ATAD3A: variants seen among roughly 807,000 people sequenced by gnomAD.
ATAD3A encodes the protein ATPase family AAA domain containing 3A, also known as ATPase family AAA domain-containing protein 3A.
Under a neutral mutation model 73.8 loss-of-function variants are expected in ATAD3A, and 46 were observed. That is an observed-to-expected ratio of 0.62 (90% CI 0.49 to 0.80). The LOEUF (loss-of-function observed/expected upper bound fraction) is 0.80, where lower values mean the gene tolerates loss of function less well. ATAD3A is among the 30% of genes least tolerant of loss of function. ATAD3A has a pLI of 0.00. For synonymous variants in ATAD3A, 319 were observed against 350.0 expected, an observed-to-expected ratio of 0.91 and a Z score of 0.99; for missense variants, 705 against 838.0, an observed-to-expected ratio of 0.84 and a Z score of 1.96.
rs1179095771 is a variant in ATAD3A, at chr1:1,523,331, CT to C, written c.907-179del. ...GCCAATAAGGAACCGGAAAATGCCC[CT>C]AATCCCAGCAATAGCCGCCTGGTCT... On this transcript the variant is annotated intron_variant, in intron 8 of 15. Coordinates refer to ENST00000378756, the MANE Select transcript of ATAD3A (RefSeq NM_001170535.3). This position sits in a 1 kb window ranked among gnomAD's most constrained non-coding sequence, Gnocchi z 5.1. Among the ~76,000 whole-genome samples, 4 of 152,168 alleles carry C rather than the reference CT, an allele frequency of 2.6e-5. No individual in the cohort carries two copies. Among genetic ancestry groups the C allele is most frequent in the African/African-American group, 9.7e-5 (4 of 41,442 alleles).
At position 1,515,824 on chromosome 1, in the gene ATAD3A, G is replaced by A. The variant is rs115216992; in HGVS notation, c.206-188G>A. Among the ~76,000 whole-genome samples, 960 of 152,336 alleles carry A rather than the reference G, an allele frequency of 6.3e-3. 17 individuals are homozygous for A. The highest frequency in any genetic ancestry group is 0.022 in the African/African-American group (919 of 41,570). On this transcript the variant is annotated intron_variant, in intron 1 of 15. Coordinates refer to ENST00000378756, the MANE Select transcript of ATAD3A (RefSeq NM_001170535.3). ...GGGATAAAACCTCACAAATGCATCA[G>A]GCCGTGTGCTGGGGATGGTGCATCG...
chr1:1,525,344 G>A (rs1363596936), intron 12 of ATAD3A, 53 bp downstream of exon 12: 28 of 1,606,836 alleles, frequency 1.7e-5, no homozygotes, highest in South Asian at 5.5e-5. Flanking sequence ...GGGCACAGCC[G>A]TCTGCCTGGG....
In ATAD3A at chr1:1,520,315, T is replaced by A; in HGVS notation, c.680+9T>A. ...GTCTTGGAGTCCATCAGGTGAGCACTGCCGAGGCCCGGGCCGGCCACAGAT... is the reference window on the plus strand; with the variant it reads ...GTCTTGGAGTCCATCAGGTGAGCACAGCCGAGGCCCGGGCCGGCCACAGAT... On this transcript the variant is annotated intron_variant, in intron 6 of 15. Transcript: ENST00000378756. The surrounding 1 kb of genome is among the most constrained non-coding windows in gnomAD (Gnocchi z 4.0). 6.2e-7 allele frequency: 1 copy of A among 1,608,814 alleles called. No homozygotes were observed. Among genetic ancestry groups the A allele is most frequent in the Non-Finnish European group, 8.5e-7 (1 of 1,176,252 alleles).
intron 14 of ATAD3A, 109 bp from the exon 15 acceptor site, chr1:1,529,113 CA>C: frequency 2.7e-6 from 4 of 1,502,126 alleles, no homozygotes; most frequent in Non-Finnish European, 3.6e-6. Context: ...AGAGCCCCTC[CA>C]AAGAGGATGT....
In ATAD3A at chr1:1,518,938, G is replaced by A; in HGVS notation, c.462G>A (p.Glu154=). 1 of 1,614,170 alleles carries A rather than the reference G, an allele frequency of 6.2e-7. No individual in the cohort carries two copies. Among genetic ancestry groups the A allele is most frequent in the Non-Finnish European group, 8.5e-7 (1 of 1,179,990 alleles). The change falls in exon 5 of 16, where the codon GAG becomes GAA. Residue 154 remains glutamate, a synonymous_variant. Coordinates refer to ENST00000378756, the MANE Select transcript of ATAD3A (RefSeq NM_001170535.3). ...QLKQQQLLNE[E]NLRKQEESVQ... ...CTTCTCAGCAACTTCTCAATGAGGA[G>A]AATTTACGGAAGCAGGAGGAGTCCG...
chr1:1,526,766 C>T (rs1034899664), intron 13 of ATAD3A, among the ~76,000 whole-genome samples: 4 of 152,256 alleles, frequency 2.6e-5, no homozygotes, highest in African/African-American at 9.6e-5. Context: ...GTCCTCACGG[C>T]CCTGTGCGCC....
chr1:1,531,501 C>T (rs892067989), intron 15 of ATAD3A, among the ~76,000 whole-genome samples: 4 of 151,380 alleles, frequency 2.6e-5, no homozygotes, highest in Non-Finnish European at 4.4e-5. Flanking sequence ...TGGACGGGCG[C>T]GGTGGCTCAT....
Position 1,518,984 on chromosome 1 carries a change from C to T in ATAD3A, c.508C>T (p.Arg170Trp), listed in dbSNP as rs1167820219. 3.1e-6 allele frequency: 5 copies of T among 1,613,998 alleles called. No homozygotes were observed. Among genetic ancestry groups the T allele is most frequent in the East Asian group, 2.2e-5 (1 of 44,890 alleles). The stretch of plus-strand genomic sequence containing the variant: ...GTCCGTGCAGAAGCAGGAAGCCATG[C>T]GGCGAGGTAGGCTGTCTGCTCTCCT... ...EESVQKQEAMRRATVEREMEL... is the reference protein window; with the variant it reads ...EESVQKQEAMWRATVEREMEL... The change falls in exon 5 of 16, where the codon CGG becomes TGG. Residue 170 changes from arginine to tryptophan, a missense_variant. Physicochemically the swap from Arg to Trp is moderately radical, Grantham distance 101. Transcript: ENST00000378756.
chr1:1,527,769 TC>T lies in ATAD3A; in HGVS notation c.1414del (p.His472ThrfsTer14), dbSNP rs1172676832. On this transcript the variant is annotated frameshift_variant, in exon 14 of 16. Transcript: ENST00000378756. LOFTEE classifies it high-confidence loss of function. ...ATCAATGACCGCATCAATGAGATGG[TC>T]CACTTCGACCTGCCAGGGCAGGAGG... ...WAINDRINEMVHFDLPGQEER... is the reference protein window; with the variant it reads ...WAINDRINEMXHFDLPGQEER... The T allele has an allele frequency of 6.2e-7, 1 of 1,613,944 alleles. No individual in the cohort carries two copies. Among genetic ancestry groups the T allele is most frequent in the Non-Finnish European group, 8.5e-7 (1 of 1,179,936 alleles).
Position 1,524,294 on chromosome 1 carries a change from A to T in ATAD3A, c.1111A>T (p.Met371Leu), listed in dbSNP as rs142978876. The T allele has an allele frequency of 1.9e-6, 3 of 1,613,696 alleles. No homozygotes were observed. Among genetic ancestry groups the T allele is most frequent in the East Asian group, 2.2e-5 (1 of 44,888 alleles). ...CCAGAAACTCGCCCTGCACTCAGGC[A>T]TGGACTACGCCATCATGACAGGCGG... ...FAKKLALHSG[M>L]DYAIMTGGDV... is the part of the protein sequence containing the mutation. The change falls in exon 11 of 16, where the codon ATG (methionine) becomes TTG (leucine). Residue 371 changes from methionine to leucine, a missense_variant. Transcript: ENST00000378756.
At chr1:1,527,665 A>AGCATCC in intron 13 of ATAD3A, 30 bp from the exon 14 acceptor site, 1 of 1,588,442 alleles carries the variant, frequency 6.3e-7, no homozygotes, top group Non-Finnish European at 8.6e-7. Context: ...CGGCAGCCCC[A>AGCATCC]GCATCCTCAT....
chr1:1,534,302 C>T lies in ATAD3A; in HGVS notation c.*230C>T, dbSNP rs1249458289. On this transcript the variant is annotated 3_prime_UTR_variant, in exon 16 of 16. Coordinates refer to ENST00000378756, the MANE Select transcript of ATAD3A (RefSeq NM_001170535.3). ...CAGGCCTCCTTCCTGCCCCTCGAGA[C>T]ACTCTTGGGAGATGCATTTTCCGTC... 1.4e-6 allele frequency: 2 copies of T among 1,434,356 alleles called. No homozygotes were observed. Among genetic ancestry groups the T allele is most frequent in the Admixed American group, 2.8e-5 (1 of 35,162 alleles). 88.9% of individuals were successfully genotyped at this position (1,434,356 alleles called of 1,614,324 possible).
intron 13 of ATAD3A, chr1:1,527,374 C>T (rs1378710866): frequency 1.9e-6 from 2 of 1,074,180 alleles, no homozygotes; most frequent in Non-Finnish European, 2.4e-6. Flanking sequence ...GGCGACTTCT[C>T]GACATGGACT....
intron 11 of ATAD3A, 51 bp from the exon 12 acceptor site, chr1:1,525,189 G>T (rs367956062): frequency 3.6e-5 from 58 of 1,611,680 alleles, no homozygotes; most frequent in Non-Finnish European, 4.7e-5. Flanking sequence ...CGCTGCTGTG[G>T]GCTGCTCCTG....
chr1:1,527,858 A>G lies in ATAD3A; in HGVS notation c.1501A>G (p.Lys501Glu). 1 of 1,612,572 alleles carries G rather than the reference A, an allele frequency of 6.2e-7. No homozygotes were observed. Among genetic ancestry groups the G allele is most frequent in the Non-Finnish European group, 8.5e-7 (1 of 1,179,188 alleles). ...KYVLKPATEG[K>E]QRLKLAQFDY... is the part of the protein sequence containing the mutation. Reference sequence around the variant, plus strand: ...TGTTCTTAAGCCGGCCACAGAAGGAAAGCAGTAAGTGTCCCGCCCCACCAG... The same window carrying G: ...TGTTCTTAAGCCGGCCACAGAAGGAGAGCAGTAAGTGTCCCGCCCCACCAG... Residue 501 changes from lysine to glutamate, a missense_variant, in exon 14 of 16, where the codon AAG (lysine) becomes GAG (glutamate). Transcript: ENST00000378756.
chr1:1,520,477 C>G lies in ATAD3A; in HGVS notation c.681-71C>G. 6.2e-7 allele frequency: 1 copy of G among 1,613,208 alleles called. No homozygotes were observed. The highest frequency in any genetic ancestry group is 8.5e-7 in the Non-Finnish European group (1 of 1,179,270). On this transcript the variant is annotated intron_variant, in intron 6 of 15. Coordinates refer to ENST00000378756, the MANE Select transcript of ATAD3A (RefSeq NM_001170535.3). This position sits in a 1 kb window ranked among gnomAD's most constrained non-coding sequence, Gnocchi z 4.0. ...CCGTGCCGCCATGTCAGGGCCTCACCCTCAACCTGCTCTCGCTGCGTGGCA... is the reference window on the plus strand; with the variant it reads ...CCGTGCCGCCATGTCAGGGCCTCACGCTCAACCTGCTCTCGCTGCGTGGCA...
At chr1:1,530,842 A>C (rs1202891731) in intron 15 of ATAD3A, among the ~76,000 whole-genome samples, 2 of 99,690 alleles carry the variant, frequency 2.0e-5, no homozygotes, top group African/African-American at 1.4e-4. Context: ...AAAAAAAAAA[A>C]AAAAAAAAAA....
intron 15 of ATAD3A, among the ~76,000 whole-genome samples, chr1:1,531,549 G>T (rs376859954): frequency 6.6e-6 from 1 of 152,024 alleles, no homozygotes; most frequent in South Asian, 2.1e-4. Flanking sequence ...CGAGATGGGC[G>T]GATCATGAAG....
In ATAD3A at chr1:1,523,748, C is replaced by A. The variant is rs112751205; in HGVS notation, c.964-91C>A. ...TGAGGTGGGAGGCTTCCCGAGGAGC[C>A]GAGTCTGCACCCAGGCATTCCCGCA... On this transcript the variant is annotated intron_variant, in intron 9 of 15. Coordinates refer to ENST00000378756, the MANE Select transcript of ATAD3A (RefSeq NM_001170535.3). The surrounding 1 kb of genome is among the most constrained non-coding windows in gnomAD (Gnocchi z 5.1). 2.5e-6 allele frequency: 4 copies of A among 1,596,308 alleles called. No homozygotes were observed. The South Asian group carries it at 3.4e-5, about 13-fold the overall frequency.
Sources: allele counts gnomAD v4.1 joint callset (sites outside exome capture counted in the v4.1 genomes callset), GRCh38; gene constraint gnomAD v4.1.1; non-coding constraint Gnocchi (gnomAD v3.1); transcripts MANE v1.5; gene names NCBI Gene and HGNC (gene_info 2026-07-23, HGNC 2026-07-21).